Variants in GPRIN3 observed in about 807,000 individuals in gnomAD.
The protein encoded by GPRIN3 is GPRIN family member 3.
Under a neutral mutation model 13.7 loss-of-function variants are expected in GPRIN3, and 12 were observed. The ratio of observed to expected loss-of-function variants is 0.87; its 90% CI spans 0.56 to 1.42. The LOEUF (loss-of-function observed/expected upper bound fraction) is 1.42. Ranked by LOEUF, GPRIN3 falls within the 40% of genes most tolerant of loss-of-function variation. The probability of loss-of-function intolerance (pLI) is 0.00; values close to 1 mark genes in which losing one functional copy is unlikely to be tolerated. For missense variants in GPRIN3, 1,009 were observed against 958.7 expected (o/e 1.05, Z -0.69); for synonymous variants, 377 against 372.7 (o/e 1.01, Z -0.13).
intron 1 of GPRIN3, among the ~76,000 whole-genome samples, chr4:89,284,968 C>T (rs1724361278): frequency 6.6e-6 from 1 of 152,122 alleles, no homozygotes; most frequent in Non-Finnish European, 1.5e-5. Context: ...GTAGACTGGC[C>T]TTTTGAGATA....
intron 1 of GPRIN3, among the ~76,000 whole-genome samples, chr4:89,266,413 A>G (rs1014417170): frequency 2.6e-5 from 4 of 152,194 alleles, no homozygotes; most frequent in African/African-American, 9.7e-5. Flanking sequence ...GTGGCTCTTC[A>G]TAAACTTATG....
chr4:89,295,759 C>A (rs904496113), intron 1 of GPRIN3, among the ~76,000 whole-genome samples: 1 of 152,132 alleles, frequency 6.6e-6, no homozygotes, highest in Admixed American at 6.5e-5. Flanking sequence ...CAATGACATG[C>A]CTTCATGTTC....
In GPRIN3 at chr4:89,237,527, C is replaced by T. The variant is rs930334109; in HGVS notation, c.*10253G>A. ...AGTGGCCCGGGAGGGGACACTTCATCCCTTTTACTGTGTGAGGACACAGCA... is the reference window on the plus strand; with the variant it reads ...AGTGGCCCGGGAGGGGACACTTCATTCCTTTTACTGTGTGAGGACACAGCA... On this transcript the variant is annotated 3_prime_UTR_variant, in exon 2 of 2. Transcript: ENST00000609438. 4 of 152,128 alleles carry T rather than the reference C, an allele frequency of 2.6e-5. No individual in the cohort carries two copies. Among genetic ancestry groups the T allele is most frequent in the East Asian group, 3.9e-4 (2 of 5,180 alleles). 9.4% of individuals were successfully genotyped at this position (152,128 alleles called of 1,614,324 possible).
At chr4:89,303,139 A>C (rs1342303754) in intron 1 of GPRIN3, among the ~76,000 whole-genome samples, 1 of 152,200 alleles carries the variant, frequency 6.6e-6, no homozygotes, top group Non-Finnish European at 1.5e-5. Flanking sequence ...ACAAGAATAA[A>C]TTTTCTAGAA....
chr4:89,252,439 T>A (rs1723354162), intron 1 of GPRIN3, among the ~76,000 whole-genome samples: 1 of 152,212 alleles, frequency 6.6e-6, no homozygotes, highest in African/African-American at 2.4e-5. Flanking sequence ...ACTGGCAAAA[T>A]GAATTAAATG....
chr4:89,238,960 A>C lies in GPRIN3; in HGVS notation c.*8820T>G, dbSNP rs1212521608. The stretch of plus-strand genomic sequence containing the variant: ...TCATTAGTTGAATATCAGAATTTTA[A>C]GCATCCATTCAAAAATCAAATCCAA... On this transcript the variant is annotated 3_prime_UTR_variant, in exon 2 of 2. Coordinates refer to ENST00000609438, the MANE Select transcript of GPRIN3 (RefSeq NM_198281.3). 1 of 152,220 alleles carries C rather than the reference A, an allele frequency of 6.6e-6. No individual in the cohort carries two copies. The highest frequency in any genetic ancestry group is 6.5e-5 in the Admixed American group (1 of 15,286). The allele number at this position is 152,220 out of a possible 1,614,324, so 9.4% of individuals were successfully genotyped here. A position where few individuals can be genotyped will look rare whatever the true frequency, so the allele number is the denominator to read the frequency against.
At position 89,241,303 on chromosome 4, in the gene GPRIN3, T is replaced by A. The variant is rs1420537198; in HGVS notation, c.*6477A>T. ...CATGTGCACACTTTTGTTGGCTTTA[T>A]TCATGTATGTACATATGCCTGCCTG... On this transcript the variant is annotated 3_prime_UTR_variant, in exon 2 of 2. Coordinates refer to ENST00000609438, the MANE Select transcript of GPRIN3 (RefSeq NM_198281.3). 6.6e-6 allele frequency: 1 copy of A among 152,218 alleles called. No homozygotes were observed. Among genetic ancestry groups the A allele is most frequent in the Non-Finnish European group, 1.5e-5 (1 of 68,026 alleles). 9.4% of individuals were successfully genotyped at this position (152,218 alleles called of 1,614,324 possible). A position where few individuals can be genotyped will look rare whatever the true frequency, so the allele number is the denominator to read the frequency against.
rs114145526 is a variant in GPRIN3 at position 89,273,727 on chromosome 4, T to C, written c.-123-23494A>G. Among the ~76,000 whole-genome samples, 954 of 152,282 alleles carry C rather than the reference T, an allele frequency of 6.3e-3. 18 individuals carry two copies. The highest frequency in any genetic ancestry group is 0.022 in the African/African-American group (898 of 41,572). Reference sequence around the variant, plus strand: ...AACAAACAAACACATGCCTCATGATTACAGAAACACTTTTTTCATAGGTGC... The same window carrying C: ...AACAAACAAACACATGCCTCATGATCACAGAAACACTTTTTTCATAGGTGC... On this transcript the variant is annotated intron_variant, in intron 1 of 1. Transcript: ENST00000609438.
chr4:89,239,571 T>A lies in GPRIN3; in HGVS notation c.*8209A>T, dbSNP rs867361913. ...GTTCTCTAAAACATGAATATGTTTT[T>A]AAATGTTATTCTTAACTTTCTACTG... On this transcript the variant is annotated 3_prime_UTR_variant, in exon 2 of 2. Transcript: ENST00000609438. The A allele has an allele frequency of 3.9e-5, 6 of 152,242 alleles. No homozygotes were observed. The highest frequency in any genetic ancestry group is 1.4e-4 in the African/African-American group (6 of 41,464). 9.4% of individuals were successfully genotyped at this position (152,242 alleles called of 1,614,324 possible). A position where few individuals can be genotyped will look rare whatever the true frequency, so the allele number is the denominator to read the frequency against.
At chr4:89,298,033 A>T (rs1561232519) in intron 1 of GPRIN3, among the ~76,000 whole-genome samples, 1 of 152,176 alleles carries the variant, frequency 6.6e-6, no homozygotes, top group Non-Finnish European at 1.5e-5. Context: ...TTATTTCTAT[A>T]ATAATGTCAC....
chr4:89,249,352 A>C lies in GPRIN3; in HGVS notation c.759T>G (p.Thr253=). 6.2e-7 allele frequency: 1 copy of C among 1,614,144 alleles called. No homozygotes were observed. The highest frequency in any genetic ancestry group is 8.5e-7 in the Non-Finnish European group (1 of 1,180,018). Residue 253 remains threonine (T), a synonymous_variant, in exon 2 of 2, where the codon ACT becomes ACG. Transcript: ENST00000609438. ...GCSENKQPSV[T]ASGPQGTTSV... ...AAGTTGTGCCTTGGGGGCCCGAGGC[A>C]GTGACAGAGGGCTGCTTGTTCTCTG... is the stretch of plus-strand genomic sequence containing the variant.
At chr4:89,278,565 C>T (rs753632124) in intron 1 of GPRIN3, among the ~76,000 whole-genome samples, 2 of 152,140 alleles carry the variant, frequency 1.3e-5, no homozygotes, top group African/African-American at 4.8e-5. Flanking sequence ...GCAAATGATC[C>T]TGGCTAGCAT....
At chr4:89,251,447 CAAT>C (rs1246852743) in intron 1 of GPRIN3, among the ~76,000 whole-genome samples, 7 of 152,144 alleles carry the variant, frequency 4.6e-5, no homozygotes, top group Non-Finnish European at 1.0e-4. Context: ...TTCCTTGACT[CAAT>C]GATACCAACT....
intron 1 of GPRIN3, among the ~76,000 whole-genome samples, chr4:89,303,030 A>G (rs780318334): frequency 1.2e-4 from 19 of 152,240 alleles, no homozygotes; most frequent in Non-Finnish European, 5.9e-5. Context: ...AGACACCAAG[A>G]GCTGAATGAA....
chr4:89,286,691 T>G (rs918551796), intron 1 of GPRIN3, among the ~76,000 whole-genome samples: 1 of 152,302 alleles, frequency 6.6e-6, no homozygotes, highest in Middle Eastern at 3.4e-3. Context: ...CAATTACTGA[T>G]AGGGAAGATA....
intron 1 of GPRIN3, among the ~76,000 whole-genome samples, chr4:89,262,528 G>A (rs1723660379): frequency 6.6e-6 from 1 of 152,196 alleles, no homozygotes; most frequent in African/African-American, 2.4e-5. Flanking sequence ...TGACGTTTCT[G>A]TCAGTGATGA....
chr4:89,289,512 T>C (rs1724514299), intron 1 of GPRIN3, among the ~76,000 whole-genome samples: 1 of 152,164 alleles, frequency 6.6e-6, no homozygotes, highest in Non-Finnish European at 1.5e-5. Flanking sequence ...ACAATAACTG[T>C]TACACTCATA....
intron 1 of GPRIN3, among the ~76,000 whole-genome samples, chr4:89,276,477 G>T (rs980568181): frequency 3.9e-5 from 6 of 152,168 alleles, no homozygotes; most frequent in African/African-American, 1.4e-4. Context: ...TGTGCAGAGA[G>T]ACTAGTTGAA....
chr4:89,276,924 A>C (rs990703635), intron 1 of GPRIN3, among the ~76,000 whole-genome samples: 1 of 152,246 alleles, frequency 6.6e-6, no homozygotes, highest in Non-Finnish European at 1.5e-5. Flanking sequence ...CAATGAAATG[A>C]AAGCTCATAA....
Sources: gnomAD v4.1 joint callset for allele counts (sites outside exome capture counted in the v4.1 genomes callset) on GRCh38, gnomAD v4.1.1 for gene constraint, MANE v1.5 for transcripts, NCBI Gene and HGNC (gene_info 2026-07-23, HGNC 2026-07-21) for gene names.